DHX8: variants seen among roughly 807,000 people sequenced by gnomAD.
DHX8 encodes DEAH-box helicase 8, also known as ATP-dependent RNA helicase DHX8.
In DHX8, 67 loss-of-function variants were observed where a neutral mutation model predicts 140.7. The observed-to-expected ratio is 0.48, with a 90% CI of 0.39 to 0.58. DHX8 has a LOEUF of 0.58. DHX8 is among the 20% of genes least tolerant of loss of function. The pLI, the probability that DHX8 is intolerant of heterozygous loss-of-function variation, is 0.00. For missense variants in DHX8, 887 were observed against 1,550.7 expected (o/e 0.57, Z 7.19); for synonymous variants, 533 against 553.2 (o/e 0.96, Z 0.51).
intron 2 of DHX8, chr17:43,534,057 T>A: frequency 3.6e-6 from 5 of 1,402,470 alleles, no homozygotes; most frequent in Non-Finnish European, 4.6e-6. Flanking sequence ...TCTGATACCT[T>A]CTGAGCTTTG....
chr17:43,529,020 G>A, downstream of DHX8: 1 of 1,016,220 alleles, frequency 9.8e-7, no homozygotes, highest in Non-Finnish European at 1.5e-6. Flanking sequence ...CTCTCTGACT[G>A]ATTCATTATC....
chr17:43,522,833 G>A (rs1970448517), intron 22 of DHX8, among the ~76,000 whole-genome samples: 1 of 151,196 alleles, frequency 6.6e-6, no homozygotes, highest in African/African-American at 2.4e-5. Flanking sequence ...GGAGGCCGAG[G>A]CAGGTGGATC....
intron 1 of DHX8, among the ~76,000 whole-genome samples, chr17:43,486,728 AT>A (rs1329603669): frequency 6.6e-6 from 1 of 152,072 alleles, no homozygotes; most frequent in Non-Finnish European, 1.5e-5. Flanking sequence ...AAATACAAAA[AT>A]TAGCAGGGCG....
At chr17:43,517,016 G>A (rs1567695891) in intron 17 of DHX8, 151 bp from the exon 18 acceptor site, 1 of 775,812 alleles carries the variant, frequency 1.3e-6, no homozygotes, top group East Asian at 2.9e-5. Context: ...TAAGAGCATT[G>A]GTAGTCTTGG....
At chr17:43,530,529 G>C, downstream of DHX8, 1 of 925,356 alleles carries the variant, frequency 1.1e-6, no homozygotes. Flanking sequence ...GAAAGAGTTC[G>C]GTGTCCACGC....
At position 43,533,248 on chromosome 17, in the gene DHX8, A is replaced by G. The variant is rs998796928; in HGVS notation, c.351-3164A>G. On this transcript the variant is annotated intron_variant, in intron 2 of 3. Coordinates refer to the DHX8 transcript ENST00000589898. ...TGGGAGGTGCCAGAGGATCTCAGGAAATTCCGTTGCTCTGCCCGGGGAAAG... is the reference window on the plus strand; with the variant it reads ...TGGGAGGTGCCAGAGGATCTCAGGAGATTCCGTTGCTCTGCCCGGGGAAAG... 7 of 1,613,796 alleles carry G rather than the reference A, an allele frequency of 4.3e-6. No individual in the cohort carries two copies. In the African/African-American group the frequency reaches 8.0e-5, roughly 18 times the overall value.
chr17:43,492,128 A>C (rs778472016), intron 4 of DHX8, 55 bp from the exon 5 acceptor site: 132 of 1,228,796 alleles, frequency 1.1e-4, no homozygotes, highest in Admixed American at 5.6e-4. Context: ...CCTGAGGTAC[A>C]TACAGATTCT....
downstream of DHX8, chr17:43,526,900 C>T (rs1057337173): frequency 1.8e-5 from 5 of 280,666 alleles, no homozygotes; most frequent in African/African-American, 1.1e-4. Context: ...AGTCGAGGGG[C>T]ATCCCTTCCT....
At chr17:43,486,676 C>T (rs1009154172) in intron 1 of DHX8, among the ~76,000 whole-genome samples, 4 of 151,876 alleles carry the variant, frequency 2.6e-5, no homozygotes, top group African/African-American at 9.7e-5. Context: ...GTCAGGAGTT[C>T]GAGACCAGCC....
rs1217393180 is a variant in DHX8 at position 43,493,688 on chromosome 17, G to A, written c.1014G>A (p.Val338=). 1 of 1,614,210 alleles carries A rather than the reference G, an allele frequency of 6.2e-7. No individual in the cohort carries two copies. Among genetic ancestry groups the A allele is most frequent in the Non-Finnish European group, 8.5e-7 (1 of 1,180,046 alleles). Residue 338 remains valine, a synonymous_variant, in exon 8 of 23, where the codon GTG becomes GTA. Transcript: ENST00000262415. ...CCCTTGTTTTTGTGCCTTAGGATGT[G>A]GATCAAGAGACTGGAGAAGATCTAA... The part of the protein sequence containing the change: ...GTKTSLSMKD[V]DQETGEDLNP...
chr17:43,540,647 TC>T (rs955744648), intron 3 of DHX8, among the ~76,000 whole-genome samples: 3 of 152,092 alleles, frequency 2.0e-5, no homozygotes, highest in Non-Finnish European at 4.4e-5. Flanking sequence ...GCTCAGGTAA[TC>T]CTTTCACTTC....
intron 17 of DHX8, among the ~76,000 whole-genome samples, chr17:43,516,786 T>C (rs927200031): frequency 2.0e-5 from 3 of 152,196 alleles, no homozygotes; most frequent in African/African-American, 4.8e-5. Context: ...AGAGTCATCA[T>C]TGGGATGATT....
rs925135054 is a variant in DHX8 at position 43,490,330 on chromosome 17, T to C, written c.235-61T>C. 3.8e-6 allele frequency: 5 copies of C among 1,312,364 alleles called. 1 individual carries two copies. The highest frequency in any genetic ancestry group is 3.7e-4 in the Middle Eastern group (2 of 5,450). 81.3% of individuals were successfully genotyped at this position (1,312,364 alleles called of 1,614,324 possible). ...TCCCTACAGGACATTCTTTGCCTTT[T>C]AAGTGTATTTAAGCACTGATATGGG... is the stretch of plus-strand genomic sequence containing the variant. On this transcript the variant is annotated intron_variant, in intron 2 of 22. Coordinates refer to ENST00000262415, the MANE Select transcript of DHX8 (RefSeq NM_004941.3).
chr17:43,513,274 T>A (rs1714445209), intron 16 of DHX8, 88 bp from the exon 17 acceptor site: 1 of 1,421,488 alleles, frequency 7.0e-7, no homozygotes, highest in African/African-American at 1.4e-5. Flanking sequence ...CATATTCCTT[T>A]GGGAAGATAT....
chr17:43,532,237 TGTC>T (rs1286241642), intron 2 of DHX8, among the ~76,000 whole-genome samples: 1 of 152,216 alleles, frequency 6.6e-6, no homozygotes, highest in African/African-American at 2.4e-5. Flanking sequence ...AGGTGGCTCA[TGTC>T]TATAATCACA....
At chr17:43,542,134 G>A (rs1971556223) in intron 3 of DHX8, among the ~76,000 whole-genome samples, 1 of 152,142 alleles carries the variant, frequency 6.6e-6, no homozygotes, top group East Asian at 1.9e-4. Context: ...GGAGGGTTGG[G>A]GAGCAGTGAT....
intron 15 of DHX8, 117 bp from the exon 16 acceptor site, chr17:43,508,222 G>C: frequency 7.3e-7 from 1 of 1,376,234 alleles, no homozygotes; most frequent in Admixed American, 2.4e-5. Context: ...TTACTTACTG[G>C]TCAGAATATG....
At chr17:43,530,491 A>T, downstream of DHX8, 8 of 1,248,724 alleles carry the variant, frequency 6.4e-6, no homozygotes, top group Non-Finnish European at 8.3e-6. Context: ...GTTCAGGGGG[A>T]GGAGGGAGGG....
chr17:43,528,553 T>C, downstream of DHX8: 1 of 1,612,794 alleles, frequency 6.2e-7, no homozygotes, highest in Non-Finnish European at 8.5e-7. Flanking sequence ...GCCAAATGGC[T>C]GGGCGGGGCC....
Sources: gnomAD v4.1 joint callset for allele counts (sites outside exome capture counted in the v4.1 genomes callset) on GRCh38, gnomAD v4.1.1 for gene constraint, MANE v1.5 for transcripts, NCBI Gene and HGNC (gene_info 2026-07-23, HGNC 2026-07-21) for gene names.